SLC11A1: variants seen among roughly 807,000 people sequenced by gnomAD.
SLC11A1 encodes the protein solute carrier family 11 member 1, also known as natural resistance-associated macrophage protein 1.
SLC11A1 carries 59 observed loss-of-function variants against 63.2 expected under a neutral mutation model. The ratio of observed to expected loss-of-function variants is 0.93; its 90% CI spans 0.76 to 1.16. The LOEUF (loss-of-function observed/expected upper bound fraction) is 1.16. SLC11A1 is among the 50% of genes most tolerant of loss of function. The probability of loss-of-function intolerance (pLI) is 0.00; values close to 1 mark genes in which losing one functional copy is unlikely to be tolerated. For synonymous variants in SLC11A1, 305 were observed against 307.8 expected, an observed-to-expected ratio of 0.99 and a Z score of 0.09; for missense variants, 688 against 730.7, an observed-to-expected ratio of 0.94 and a Z score of 0.67.
At position 218,395,143 on chromosome 2, in the gene SLC11A1, C is replaced by A; in HGVS notation, c.*108C>A. ...GATAGAGTGGGACAGTTCCTGAGAC[C>A]AGCCAACCTGGGGGCTTTAGGGACC... On this transcript the variant is annotated 3_prime_UTR_variant, in exon 15 of 15. Coordinates refer to ENST00000233202, the MANE Select transcript of SLC11A1 (RefSeq NM_000578.4). 1 of 809,116 alleles carries A rather than the reference C, an allele frequency of 1.2e-6. No individual in the cohort carries two copies. The highest frequency in any genetic ancestry group is 2.0e-6 in the Non-Finnish European group (1 of 504,228). 50.1% of individuals were successfully genotyped at this position (809,116 alleles called of 1,614,324 possible).
intron 3 of SLC11A1, 78 bp from the exon 4 acceptor site, chr2:218,385,069 G>T: frequency 6.3e-7 from 1 of 1,590,350 alleles, no homozygotes. Context: ...GAGTATGCTT[G>T]GTTAGAGGGT....
chr2:218,387,364 C>A (rs1225186274), intron 6 of SLC11A1, 134 bp downstream of exon 6: 3 of 1,000,106 alleles, frequency 3.0e-6, no homozygotes, highest in South Asian at 3.0e-5. Flanking sequence ...TAGCGAGTTA[C>A]TTGGACGTGC....
At chr2:218,389,809 G>A (rs1696324547) in intron 8 of SLC11A1, 61 bp from the exon 9 acceptor site, 1 of 1,529,836 alleles carries the variant, frequency 6.5e-7, no homozygotes, top group East Asian at 2.3e-5. Flanking sequence ...GTGTGAGGGT[G>A]GGGGACACTG....
Position 218,394,625 on chromosome 2 carries a change from C to A in SLC11A1, c.1389-7C>A. 6.2e-7 allele frequency: 1 copy of A among 1,613,014 alleles called. No individual in the cohort carries two copies. On this transcript the variant is annotated splice_polypyrimidine_tract_variant and splice_region_variant and intron_variant, in intron 13 of 14. Coordinates refer to ENST00000233202, the MANE Select transcript of SLC11A1 (RefSeq NM_000578.4). ...AGCCAGTCCTGAGCCTCTCTCGTGT[C>A]CCCCAGGCTGAACAAGGTCGTCACC...
intron 13 of SLC11A1, 197 bp downstream of exon 13, chr2:218,394,390 T>C (rs1574781183): frequency 5.7e-6 from 4 of 700,940 alleles, no homozygotes; most frequent in East Asian, 5.4e-5. Flanking sequence ...GGGCTGTTTC[T>C]AGAGCCTGAG....
At position 218,394,813 on chromosome 2, in the gene SLC11A1, G is replaced by C. The variant is rs564477372; in HGVS notation, c.1542+28G>C. ...ACAGTAGGGCCAGGGGATGCCTTGG[G>C]AATGGATGAGGGAAGGACAAGAGGC... On this transcript the variant is annotated intron_variant, in intron 14 of 14. Coordinates refer to ENST00000233202, the MANE Select transcript of SLC11A1 (RefSeq NM_000578.4). The C allele has an allele frequency of 9.9e-6, 16 of 1,610,184 alleles. No individual in the cohort carries two copies. In the African/African-American group the frequency reaches 2.1e-4, roughly 21 times the overall value.
intron 11 of SLC11A1, chr2:218,391,992 G>C: frequency 3.6e-6 from 1 of 279,106 alleles, no homozygotes; most frequent in Non-Finnish European, 7.2e-6. Flanking sequence ...TCTTGACCTC[G>C]TGATCCGCCC....
rs914224419 is a variant in SLC11A1, at chr2:218,384,545, G to A, written c.273+180G>A. On this transcript the variant is annotated intron_variant, in intron 3 of 14. Coordinates refer to ENST00000233202, the MANE Select transcript of SLC11A1 (RefSeq NM_000578.4). This position sits in a 1 kb window ranked among gnomAD's most constrained non-coding sequence, Gnocchi z 4.0. ...AGAAGGTGGGGCATTTGTGTGGGGG[G>A]TAGGGGACTGGACTCCTCTCTTTAA... 4.5e-5 allele frequency: 20 copies of A among 447,768 alleles called. No individual in the cohort carries two copies. Among genetic ancestry groups the A allele is most frequent in the African/African-American group, 2.8e-4 (14 of 50,214 alleles). 27.7% of individuals were successfully genotyped at this position (447,768 alleles called of 1,614,324 possible). A position where few individuals can be genotyped will look rare whatever the true frequency, so the allele number is the denominator to read the frequency against.
Position 218,395,849 on chromosome 2 carries a change from C to T in SLC11A1, c.*814C>T, listed in dbSNP as rs114190569. The stretch of plus-strand genomic sequence containing the variant: ...GAAGTCTCTAAAGCATCCAGAAGAC[C>T]CCTACACCAGGGTCTGGTCCGCTCC... On this transcript the variant is annotated 3_prime_UTR_variant, in exon 15 of 15. Transcript: ENST00000233202. The T allele has an allele frequency of 2.5e-3, 376 of 152,486 alleles. 1 individual carries two copies. Among genetic ancestry groups the T allele is most frequent in the Non-Finnish European group, 4.1e-3 (282 of 68,046 alleles). 9.4% of individuals were successfully genotyped at this position (152,486 alleles called of 1,614,324 possible).
intron 9 of SLC11A1, 24 bp from the exon 10 acceptor site, chr2:218,391,174 C>T: frequency 1.2e-6 from 2 of 1,609,412 alleles, no homozygotes; most frequent in South Asian, 2.2e-5. Flanking sequence ...TCACATCTTC[C>T]TTCTACTGCC....
chr2:218,383,385 G>C (rs1281620108), intron 2 of SLC11A1: 20 of 422,866 alleles, frequency 4.7e-5, no homozygotes, highest in Admixed American at 1.1e-4. Context: ...GGAGCCTTGA[G>C]GACATGTTAT....
At chr2:218,382,908 T>C in intron 1 of SLC11A1, 52 bp from the exon 2 acceptor site, 1 of 1,611,372 alleles carries the variant, frequency 6.2e-7, no homozygotes, top group Non-Finnish European at 8.5e-7. Flanking sequence ...GCTTTAACTC[T>C]GGGCCACCAG....
chr2:218,392,279 G>C (rs562979221), intron 11 of SLC11A1: 193 of 208,316 alleles, frequency 9.3e-4, no homozygotes, highest in Non-Finnish European at 5.9e-4. Context: ...GGTCAGGGTG[G>C]TCTCGAACTC....
chr2:218,392,752 G>C (rs1388952892), intron 11 of SLC11A1: 5 of 466,510 alleles, frequency 1.1e-5, no homozygotes, highest in Non-Finnish European at 1.5e-5. Context: ...ACTAACAGAA[G>C]CCTTTTCCCC....
rs1360765436 is a variant in SLC11A1, at chr2:218,396,592, A to G, written c.*1557A>G. The stretch of plus-strand genomic sequence containing the variant: ...TGCGAGTGGGTCCCTCAAGGAGAGA[A>G]GAGATGGGACCGGTCTGGTGCGACC... On this transcript the variant is annotated 3_prime_UTR_variant, in exon 15 of 15. Transcript: ENST00000233202. 6.6e-6 allele frequency: 1 copy of G among 152,438 alleles called. No homozygotes were observed. The highest frequency in any genetic ancestry group is 1.5e-5 in the Non-Finnish European group (1 of 68,118). 9.4% of individuals were successfully genotyped at this position (152,438 alleles called of 1,614,324 possible). A position where few individuals can be genotyped will look rare whatever the true frequency, so the allele number is the denominator to read the frequency against.
Position 218,391,471 on chromosome 2 carries a change from C to A in SLC11A1, c.1140C>A (p.Thr380=). Residue 380 remains threonine (T), a synonymous_variant, in exon 11 of 15, where the codon ACC becomes ACA. Transcript: ENST00000233202. ...GGCAGAGCTCCACCATGACGGGCAC[C>A]TACGCGGGACAGTTCGTGATGGAGG... The part of the protein sequence containing the change: ...AAGQSSTMTG[T]YAGQFVMEGF... 1 of 1,606,714 alleles carries A rather than the reference C, an allele frequency of 6.2e-7. No homozygotes were observed. Among genetic ancestry groups the A allele is most frequent in the Non-Finnish European group, 8.5e-7 (1 of 1,176,778 alleles).
chr2:218,383,166 C>A (rs1646894784), intron 2 of SLC11A1, 64 bp downstream of exon 2: 2 of 1,566,310 alleles, frequency 1.3e-6, no homozygotes, highest in African/African-American at 1.3e-5. Context: ...ATCCCATGGG[C>A]TGGAGAATGG....
Position 218,387,794 on chromosome 2 carries a change from C to G in SLC11A1, c.640-6C>G, listed in dbSNP as rs373740928. 6.8e-5 allele frequency: 109 copies of G among 1,610,184 alleles called. No homozygotes were observed. The highest frequency in any genetic ancestry group is 9.0e-5 in the Non-Finnish European group (106 of 1,178,644). On this transcript the variant is annotated splice_region_variant and splice_polypyrimidine_tract_variant and intron_variant, in intron 7 of 14. Coordinates refer to ENST00000233202, the MANE Select transcript of SLC11A1 (RefSeq NM_000578.4). ...GGGCTTGTCCTGACCAGGCTCCTCC[C>G]TGCAGTATGTGGTGGCGCGTCCTGA...
rs967264269 is a variant in SLC11A1, at chr2:218,395,674, AACT to A, written c.*640_*642del. The stretch of plus-strand genomic sequence containing the variant: ...TGCCATGCTGGCCAGGCTGGTCTCG[AACT>A]GCTGGATTCAAGTGATCCGCCCATC... On this transcript the variant is annotated 3_prime_UTR_variant, in exon 15 of 15. Coordinates refer to ENST00000233202, the MANE Select transcript of SLC11A1 (RefSeq NM_000578.4). The A allele has an allele frequency of 2.6e-5, 4 of 152,368 alleles. No individual in the cohort carries two copies. The highest frequency in any genetic ancestry group is 6.5e-5 in the Admixed American group (1 of 15,284). 9.4% of individuals were successfully genotyped at this position (152,368 alleles called of 1,614,324 possible).
Sources: gnomAD v4.1 joint callset for allele counts on GRCh38, gnomAD v4.1.1 for gene constraint, Gnocchi (gnomAD v3.1) non-coding constraint, MANE v1.5 for transcripts, NCBI Gene and HGNC (gene_info 2026-07-23, HGNC 2026-07-21) for gene names.